Variants in FAM185A observed in about 807,000 individuals in gnomAD.
FAM185A encodes family with sequence similarity 185 member A.
Under a neutral mutation model 45.7 loss-of-function variants are expected in FAM185A, and 21 were observed. That is an observed-to-expected ratio of 0.46 (90% CI 0.33 to 0.66). The LOEUF (loss-of-function observed/expected upper bound fraction) is 0.66. Among genes scored for constraint, FAM185A ranks in the 30% least tolerant of loss-of-function variants. The pLI is 0.03. For synonymous variants in FAM185A, 117 were observed against 194.0 expected (o/e 0.60, Z 3.30); for missense variants, 305 against 485.4 (o/e 0.63, Z 3.49).
chr7:102,834,140 A>AAG, the FAM185A span, among the ~76,000 whole-genome samples: 1 of 102,992 alleles, frequency 9.7e-6, no homozygotes, highest in East Asian at 3.4e-4. Flanking sequence ...GAAAGAAAGA[A>AAG]AAGAGAAGAC....
At chr7:102,843,776 A>G in the FAM185A span, among the ~76,000 whole-genome samples, 1 of 152,182 alleles carries the variant, frequency 6.6e-6, no homozygotes, top group Non-Finnish European at 1.5e-5. Flanking sequence ...ACTCCGTCTT[A>G]ATAAAAAAAA....
the FAM185A span, among the ~76,000 whole-genome samples, chr7:102,848,541 G>A: frequency 3.9e-5 from 1 of 25,602 alleles, no homozygotes; most frequent in African/African-American, 5.3e-4. Context: ...GGGCGACAGA[G>A]CGAGACTCCG....
At chr7:102,787,704 T>C (rs1584337754) in intron 7 of FAM185A, among the ~76,000 whole-genome samples, 1 of 152,360 alleles carries the variant, frequency 6.6e-6, no homozygotes, top group East Asian at 1.9e-4. Flanking sequence ...TTGGGTAAAA[T>C]TGATTTTTAA....
At chr7:102,837,834 C>T in the FAM185A span, among the ~76,000 whole-genome samples, 3 of 152,236 alleles carry the variant, frequency 2.0e-5, no homozygotes, top group Admixed American at 1.3e-4. Flanking sequence ...TGAGCCACTA[C>T]GCCCAGGCAA....
chr7:102,811,552 G>A (rs1235078571), downstream of FAM185A, among the ~76,000 whole-genome samples: 1 of 152,184 alleles, frequency 6.6e-6, no homozygotes, highest in East Asian at 1.9e-4. Context: ...GAGCTTTGGA[G>A]CAAGCTCTGA....
intron 2 of FAM185A, chr7:102,755,548 G>A (rs1793658593): frequency 4.8e-6 from 3 of 620,886 alleles, no homozygotes; most frequent in African/African-American, 1.8e-5. Context: ...CCTGTCTTTC[G>A]AGCAGGAGTT....
chr7:102,749,556 G>T lies in FAM185A; in HGVS notation c.349G>T (p.Gly117Cys). The T allele has an allele frequency of 1.3e-6, 2 of 1,521,856 alleles. No homozygotes were observed. Among genetic ancestry groups the T allele is most frequent in the Non-Finnish European group, 1.8e-6 (2 of 1,134,118 alleles). 94.3% of individuals were successfully genotyped at this position (1,521,856 alleles called of 1,614,324 possible). The change falls in exon 1 of 8, where the codon GGC becomes TGC. Residue 117 changes from glycine (G) to cysteine (C), a missense_variant. This residue lies in a region of FAM185A where 174 missense variants were observed against 247.1 expected (regional missense o/e 0.70). Transcript: ENST00000413034. ...GVEGGVRGLD[G>C]LQVKYDEDLE... The stretch of plus-strand genomic sequence containing the variant: ...GGAGGGCGGCGTGCGGGGCCTGGAC[G>T]GCCTGCAGGTGAAGTACGACGAGGA...
chr7:102,806,561 G>GTTTGTTTT (rs71679947), intron 7 of FAM185A, among the ~76,000 whole-genome samples: 2 of 151,692 alleles, frequency 1.3e-5, no homozygotes, highest in Admixed American at 1.3e-4. Flanking sequence ...TTGTTTGTTT[G>GTTTGTTTT]TGTTTTTTTG....
At chr7:102,838,979 T>C in the FAM185A span, among the ~76,000 whole-genome samples, 1 of 152,144 alleles carries the variant, frequency 6.6e-6, no homozygotes, top group Non-Finnish European at 1.5e-5. Context: ...CCTCTTGCAG[T>C]TGAGATAAGA....
chr7:102,788,740 A>G (rs1378803637), intron 7 of FAM185A, among the ~76,000 whole-genome samples: 1 of 152,232 alleles, frequency 6.6e-6, no homozygotes, highest in Non-Finnish European at 1.5e-5. Flanking sequence ...GAGTGAACTT[A>G]TACAAACCTA....
chr7:102,845,216 G>A, the FAM185A span, among the ~76,000 whole-genome samples: 31 of 152,210 alleles, frequency 2.0e-4, no homozygotes, highest in African/African-American at 7.2e-4. Context: ...CCTTTCTCAT[G>A]ACCAGCCCCC....
intron 7 of FAM185A, among the ~76,000 whole-genome samples, chr7:102,797,129 C>T (rs919457456): frequency 3.3e-5 from 5 of 152,144 alleles, no homozygotes; most frequent in African/African-American, 1.2e-4. Flanking sequence ...GTCAAGGTAT[C>T]TTGGGTTACA....
chr7:102,783,056 C>A (rs1170347071), intron 6 of FAM185A, among the ~76,000 whole-genome samples: 7 of 151,866 alleles, frequency 4.6e-5, no homozygotes, highest in African/African-American at 1.7e-4. Flanking sequence ...ACAAAGAAGG[C>A]CATTACATAA....
chr7:102,850,182 C>A, the FAM185A span, among the ~76,000 whole-genome samples: 1 of 152,064 alleles, frequency 6.6e-6, no homozygotes, highest in Non-Finnish European at 1.5e-5. Context: ...CTTTCATCTA[C>A]AATCTCAGAG....
chr7:102,798,500 G>C (rs142264290), intron 7 of FAM185A, among the ~76,000 whole-genome samples: 28,738 of 152,050 alleles, frequency 0.19, 3,134 homozygotes, highest in East Asian at 0.53. Context: ...ACTGTGCTTG[G>C]CCTCTATTGC....
chr7:102,802,390 C>T (rs892446212), intron 7 of FAM185A, among the ~76,000 whole-genome samples: 3 of 152,292 alleles, frequency 2.0e-5, no homozygotes, highest in East Asian at 1.9e-4. Context: ...CAAAAGGAAC[C>T]TTCAAAACCA....
chr7:102,765,632 T>A (rs1794342919), intron 4 of FAM185A, among the ~76,000 whole-genome samples: 1 of 152,156 alleles, frequency 6.6e-6, no homozygotes, highest in South Asian at 2.1e-4. Context: ...AAGAAAATAA[T>A]TTATCCTAAG....
chr7:102,831,131 T>C, the FAM185A span, among the ~76,000 whole-genome samples: 1 of 152,194 alleles, frequency 6.6e-6, no homozygotes, highest in Non-Finnish European at 1.5e-5. Context: ...ATCTCCCACC[T>C]GGAGAAGAAG....
At chr7:102,796,452 G>T (rs1250793550) in intron 7 of FAM185A, among the ~76,000 whole-genome samples, 1 of 152,230 alleles carries the variant, frequency 6.6e-6, no homozygotes, top group Non-Finnish European at 1.5e-5. Context: ...GTCCCCAGGC[G>T]GGAATGGGGT....
Sources: allele counts gnomAD v4.1 joint callset (sites outside exome capture counted in the v4.1 genomes callset), GRCh38; gene constraint gnomAD v4.1.1; regional missense constraint gnomAD v4.1.1; transcripts MANE v1.5; gene names NCBI Gene and HGNC (gene_info 2026-07-23, HGNC 2026-07-21).